CFAP299: variants seen among roughly 807,000 people sequenced by gnomAD.
CFAP299 encodes cilia- and flagella-associated protein 299.
In CFAP299, 21 loss-of-function variants were observed where a neutral mutation model predicts 27.0. That is an observed-to-expected ratio of 0.78 (90% CI 0.55 to 1.12). The LOEUF (loss-of-function observed/expected upper bound fraction) is 1.12, where lower values mean the gene tolerates loss of function less well. Among genes scored for constraint, CFAP299 ranks in the 50% most tolerant of loss-of-function variants. The pLI is 0.00. For missense variants in CFAP299, 310 were observed against 276.6 expected, an observed-to-expected ratio of 1.12 and a Z score of -0.86; for synonymous variants, 104 against 98.1, an observed-to-expected ratio of 1.06 and a Z score of -0.36.
chr4:80,534,894 T>G (rs536264744), intron 2 of CFAP299, among the ~76,000 whole-genome samples: 1 of 152,292 alleles, frequency 6.6e-6, no homozygotes, highest in African/African-American at 2.4e-5. Context: ...GTAAGAATAA[T>G]TGAAATGATT....
intron 3 of CFAP299, among the ~76,000 whole-genome samples, chr4:80,648,487 A>C (rs1172862147): frequency 6.6e-6 from 1 of 152,124 alleles, no homozygotes; most frequent in African/African-American, 2.4e-5. Context: ...GATTAAGAGG[A>C]TTTCTACTGT....
intron 3 of CFAP299, among the ~76,000 whole-genome samples, chr4:80,633,884 T>A (rs1180818757): frequency 2.6e-5 from 4 of 151,954 alleles, no homozygotes; most frequent in Non-Finnish European, 5.9e-5. Context: ...ATATTTTCCC[T>A]CTTTAAGCAT....
intron 3 of CFAP299, among the ~76,000 whole-genome samples, chr4:80,749,224 G>T (rs1435267735): frequency 6.6e-6 from 1 of 152,034 alleles, no homozygotes; most frequent in Non-Finnish European, 1.5e-5. Context: ...CTGAGTATTA[G>T]GTGTAAAGCT....
At chr4:80,587,320 T>C (rs1196064728) in intron 3 of CFAP299, among the ~76,000 whole-genome samples, 1 of 152,156 alleles carries the variant, frequency 6.6e-6, no homozygotes, top group Admixed American at 6.5e-5. Flanking sequence ...TATAGCTGGA[T>C]AGATCTTTAA....
At chr4:80,573,374 C>T (rs1010327953) in intron 2 of CFAP299, among the ~76,000 whole-genome samples, 1 of 152,048 alleles carries the variant, frequency 6.6e-6, no homozygotes, top group African/African-American at 2.4e-5. Context: ...GGTTATTAAT[C>T]CCTTGTCAGA....
chr4:80,489,927 AT>A (rs10716747), intron 2 of CFAP299, among the ~76,000 whole-genome samples: 58,783 of 151,948 alleles, frequency 0.39, 14,843 homozygotes, highest in African/African-American at 0.72. Context: ...AAACAAGGTG[AT>A]TTATTAGCTG....
At chr4:80,381,014 TCTCATTTACAC>T (rs980150044) in intron 2 of CFAP299, among the ~76,000 whole-genome samples, 1 of 152,182 alleles carries the variant, frequency 6.6e-6, no homozygotes, top group Non-Finnish European at 1.5e-5. Flanking sequence ...ATGACATTTC[TCTCATTTACAC>T]CTCTTTTATA....
chr4:80,520,138 T>A (rs913482558), intron 2 of CFAP299, among the ~76,000 whole-genome samples: 1 of 152,218 alleles, frequency 6.6e-6, no homozygotes, highest in Admixed American at 6.5e-5. Context: ...ATTTTCCATT[T>A]GTTCTTTATT....
chr4:80,376,120 T>G (rs1302053958), intron 2 of CFAP299, among the ~76,000 whole-genome samples: 1 of 152,218 alleles, frequency 6.6e-6, no homozygotes, highest in Non-Finnish European at 1.5e-5. Context: ...CCATATGATT[T>G]CTGTCCCTAT....
chr4:80,936,968 G>T (rs1448602849), intron 4 of CFAP299, among the ~76,000 whole-genome samples: 1 of 151,950 alleles, frequency 6.6e-6, no homozygotes, highest in African/African-American at 2.4e-5. Context: ...AGGTCCCTTT[G>T]TACTATAGTG....
At chr4:80,878,242 G>A (rs921113099) in intron 4 of CFAP299, among the ~76,000 whole-genome samples, 3 of 151,928 alleles carry the variant, frequency 2.0e-5, no homozygotes, top group Non-Finnish European at 4.4e-5. Flanking sequence ...TGACATTGAC[G>A]TTTTAAAAAC....
intron 2 of CFAP299, among the ~76,000 whole-genome samples, chr4:80,411,568 C>T (rs954188481): frequency 6.6e-6 from 1 of 151,842 alleles, no homozygotes; most frequent in Non-Finnish European, 1.5e-5. Context: ...AATAAACAAC[C>T]TTTGCTATAT....
intron 2 of CFAP299, chr4:80,387,216 A>G: frequency 7.0e-7 from 1 of 1,427,968 alleles, no homozygotes; most frequent in Non-Finnish European, 9.9e-7. Context: ...CTCAGGTCGT[A>G]CATCGGGGGT....
chr4:80,934,027 C>T lies in CFAP299; in HGVS notation c.477-10783C>T, dbSNP rs373366672. Reference sequence around the variant, plus strand: ...TTCCTAACCTTGGAGAAAAAACTTTCGGATTTTCACCGTTTAATATGATGC... The same window carrying T: ...TTCCTAACCTTGGAGAAAAAACTTTTGGATTTTCACCGTTTAATATGATGC... On this transcript the variant is annotated intron_variant, in intron 4 of 5. Transcript: ENST00000358105. Among the ~76,000 whole-genome samples the T allele has an allele frequency of 4.1e-3, 631 of 152,120 alleles. 1 individual carries two copies. The highest frequency in any genetic ancestry group is 0.014 in the Middle Eastern group (4 of 294).
intron 2 of CFAP299, among the ~76,000 whole-genome samples, chr4:80,430,630 C>T (rs1293420357): frequency 6.6e-6 from 1 of 152,134 alleles, no homozygotes; most frequent in Non-Finnish European, 1.5e-5. Context: ...GATCTCTCCC[C>T]TAAACGCCGT....
chr4:80,670,773 T>A (rs1229270401), intron 3 of CFAP299, among the ~76,000 whole-genome samples: 1 of 152,244 alleles, frequency 6.6e-6, no homozygotes. Flanking sequence ...GTCTGTTGGC[T>A]GCATAAATGT....
At chr4:80,850,667 T>G (rs1206406347) in intron 3 of CFAP299, among the ~76,000 whole-genome samples, 1 of 152,026 alleles carries the variant, frequency 6.6e-6, no homozygotes, top group Non-Finnish European at 1.5e-5. Flanking sequence ...GTAAAAAGGT[T>G]GCACTTCAGA....
chr4:80,741,009 C>T (rs1188574030), intron 3 of CFAP299, among the ~76,000 whole-genome samples: 1 of 152,154 alleles, frequency 6.6e-6, no homozygotes, highest in East Asian at 1.9e-4. Context: ...TTTGGTGACC[C>T]CAAGAGCTTG....
intron 3 of CFAP299, among the ~76,000 whole-genome samples, chr4:80,754,359 G>GT (rs1725111746): frequency 6.6e-6 from 1 of 152,090 alleles, no homozygotes; most frequent in African/African-American, 2.4e-5. Context: ...TCTACCGAGA[G>GT]TAAGACCACT....
Sources: allele counts gnomAD v4.1 joint callset (sites outside exome capture counted in the v4.1 genomes callset), GRCh38; gene constraint gnomAD v4.1.1; transcripts MANE v1.5; gene names NCBI Gene and HGNC (gene_info 2026-07-23, HGNC 2026-07-21).